PRPF3: variants seen among roughly 807,000 people sequenced by gnomAD.
The protein encoded by PRPF3 is pre-mRNA processing factor 3.
PRPF3 carries 3 observed loss-of-function variants against 89.2 expected under a neutral mutation model. The observed-to-expected ratio is 0.03, with a 90% CI of 0.02 to 0.09. PRPF3 has a LOEUF of 0.09. Among genes scored for constraint, PRPF3 ranks in the 10% least tolerant of loss-of-function variants. PRPF3 has a pLI of 1.00. For synonymous variants in PRPF3, 270 were observed against 289.1 expected, an observed-to-expected ratio of 0.93 and a Z score of 0.67; for missense variants, 463 against 828.8, an observed-to-expected ratio of 0.56 and a Z score of 5.42.
rs1655048252 is a variant in PRPF3, at chr1:150,321,606, C to T, written c.-49+14C>T. 1 of 152,638 alleles carries T rather than the reference C, an allele frequency of 6.6e-6. No homozygotes were observed. Among genetic ancestry groups the T allele is most frequent in the Admixed American group, 6.6e-5 (1 of 15,264 alleles). The allele number at this position is 152,638 out of a possible 1,614,324, so 9.5% of individuals were successfully genotyped here. ...GAAGTTTGTGAGGTGAGTAGTGGCC[C>T]CGGGCCCACAGAGGGTAATTCCAGT... On this transcript the variant is annotated intron_variant, in intron 1 of 15. Transcript: ENST00000324862.
At position 150,332,991 on chromosome 1, in the gene PRPF3, T is replaced by C. The variant is rs1656586815; in HGVS notation, c.520T>C (p.Ser174Pro). The change falls in exon 6 of 16, where the codon TCT becomes CCT. Residue 174 changes from serine to proline, a missense_variant. Transcript: ENST00000324862. Reference protein sequence around the residue: ...SPPTPQPKTPSSSQPERLPIG... With the variant: ...SPPTPQPKTPPSSQPERLPIG... Reference sequence around the variant, plus strand: ...CTCTATCTCACAGCCAAAGACTCCTTCTTCCTCCCAACCAGAACGACTTCC... The same window carrying C: ...CTCTATCTCACAGCCAAAGACTCCTCCTTCCTCCCAACCAGAACGACTTCC... The C allele has an allele frequency of 1.9e-6, 3 of 1,613,616 alleles. No homozygotes were observed. The highest frequency in any genetic ancestry group is 2.5e-6 in the Non-Finnish European group (3 of 1,179,854).
chr1:150,343,568 G>T, intron 10 of PRPF3, 116 bp downstream of exon 10: 1 of 1,391,178 alleles, frequency 7.2e-7, no homozygotes, highest in Non-Finnish European at 1.0e-6. Context: ...AATTATTCTT[G>T]GGGTCCTTTT....
chr1:150,349,332 T>A (rs1359839108), intron 15 of PRPF3, 114 bp downstream of exon 15: 99 of 845,202 alleles, frequency 1.2e-4, no homozygotes, highest in South Asian at 1.7e-4. Context: ...TTTTAAATAA[T>A]TTATGTTTCT....
At chr1:150,347,505 C>T (rs1365519421) in intron 14 of PRPF3, among the ~76,000 whole-genome samples, 3 of 151,916 alleles carry the variant, frequency 2.0e-5, no homozygotes, top group African/African-American at 7.3e-5. Context: ...CCGAGGCGAG[C>T]AGATCATTTG....
intron 10 of PRPF3, among the ~76,000 whole-genome samples, 180 bp downstream of exon 10, chr1:150,343,632 T>G (rs1658008653): frequency 6.6e-6 from 1 of 152,224 alleles, no homozygotes; most frequent in Non-Finnish European, 1.5e-5. Flanking sequence ...ACATTCATTA[T>G]AGAGGCCATT....
At chr1:150,328,622 A>C (rs1572199180) in intron 4 of PRPF3, 156 bp downstream of exon 4, 85 of 774,476 alleles carry the variant, frequency 1.1e-4, no homozygotes, top group Non-Finnish European at 1.5e-4. Context: ...GCGCGATCTC[A>C]GCTCACTGCA....
chr1:150,330,922 T>A (rs1331294397), intron 4 of PRPF3, among the ~76,000 whole-genome samples: 2 of 151,526 alleles, frequency 1.3e-5, no homozygotes, highest in African/African-American at 4.9e-5. Context: ...TTTCACCATG[T>A]TGGTCAGGCT....
intron 2 of PRPF3, 108 bp from the exon 3 acceptor site, chr1:150,325,643 T>A: frequency 7.0e-7 from 1 of 1,435,622 alleles, no homozygotes; most frequent in South Asian, 1.2e-5. Context: ...ACTTAAAATT[T>A]GTTTCACTCC....
At position 150,325,848 on chromosome 1, in the gene PRPF3, T is replaced by C. The variant is rs1490021465; in HGVS notation, c.243T>C (p.Ser81=). The change falls in exon 3 of 16, where the codon TCT becomes TCC. Residue 81 remains serine, a synonymous_variant. Coordinates refer to ENST00000324862, the MANE Select transcript of PRPF3 (RefSeq NM_004698.4). ...EEGRSSRHSK[S]SSDRSRKREL... is the part of the protein sequence containing the mutation. ...GCCGAAGCTCTAGGCATTCCAAGTC[T>C]AGCAGTGACAGGAGCAGAAAACGAG... is the stretch of plus-strand genomic sequence containing the variant. 5 of 1,613,602 alleles carry C rather than the reference T, an allele frequency of 3.1e-6. No individual in the cohort carries two copies. The African/African-American group carries it at 6.7e-5, about 22-fold the overall frequency.
At chr1:150,332,210 C>T (rs1290820411) in intron 4 of PRPF3, among the ~76,000 whole-genome samples, 5 of 139,704 alleles carry the variant, frequency 3.6e-5, no homozygotes, top group African/African-American at 5.4e-5. Flanking sequence ...AGTGACAGAG[C>T]GAGACTCCAT....
chr1:150,335,548 C>T (rs1656872427), intron 7 of PRPF3, among the ~76,000 whole-genome samples: 1 of 152,162 alleles, frequency 6.6e-6, no homozygotes. Flanking sequence ...TTGCTGCAAC[C>T]TTTGCCTCCC....
chr1:150,350,044 C>T (rs928605536), intron 15 of PRPF3, among the ~76,000 whole-genome samples: 8 of 151,250 alleles, frequency 5.3e-5, no homozygotes, highest in African/African-American at 1.7e-4. Flanking sequence ...TACAGGTGCA[C>T]GCCACCATGC....
chr1:150,346,279 T>G (rs1349684181), intron 13 of PRPF3, 129 bp from the exon 14 acceptor site: 9 of 1,243,436 alleles, frequency 7.2e-6, no homozygotes, highest in Non-Finnish European at 1.1e-5. Context: ...CTGTGTTTTT[T>G]GGAGTAGAAG....
At chr1:150,344,734 G>A (rs1553872464) in intron 12 of PRPF3, among the ~76,000 whole-genome samples, 187 bp downstream of exon 12, 3 of 148,124 alleles carry the variant, frequency 2.0e-5, no homozygotes, top group Admixed American at 6.8e-5. Context: ...TTATGTTTAT[G>A]GTTACCCAGT....
chr1:150,352,871 T>G lies in PRPF3; in HGVS notation c.1944T>G (p.Phe648Leu). 1 of 1,614,214 alleles carries G rather than the reference T, an allele frequency of 6.2e-7. No individual in the cohort carries two copies. Residue 648 changes from phenylalanine (F) to leucine (L), a missense_variant, in exon 16 of 16, where the codon TTT (phenylalanine) becomes TTG (leucine). By Grantham distance (22) the Phe-to-Leu change is conservative. Transcript: ENST00000324862. ...AKDRSFGEMKFKQCPTENMAR... is the reference protein window; with the variant it reads ...AKDRSFGEMKLKQCPTENMAR... ...ACCGGAGCTTTGGAGAGATGAAGTTTAAACAGTGTCCTACAGAGAACATGG... is the reference window on the plus strand; with the variant it reads ...ACCGGAGCTTTGGAGAGATGAAGTTGAAACAGTGTCCTACAGAGAACATGG...
chr1:150,353,122 G>C lies in PRPF3; in HGVS notation c.*143G>C. 9.0e-7 allele frequency: 1 copy of C among 1,105,406 alleles called. No individual in the cohort carries two copies. Among genetic ancestry groups the C allele is most frequent in the East Asian group, 2.4e-5 (1 of 42,218 alleles). 68.5% of individuals were successfully genotyped at this position (1,105,406 alleles called of 1,614,324 possible). A position where few individuals can be genotyped will look rare whatever the true frequency, so the allele number is the denominator to read the frequency against. Reference sequence around the variant, plus strand: ...CACTGGGACAAAGGGAGAATATCTTGCTCCCCTCCTGAGTCAGCCTGGTGT... The same window carrying C: ...CACTGGGACAAAGGGAGAATATCTTCCTCCCCTCCTGAGTCAGCCTGGTGT... On this transcript the variant is annotated 3_prime_UTR_variant, in exon 16 of 16. Coordinates refer to ENST00000324862, the MANE Select transcript of PRPF3 (RefSeq NM_004698.4).
chr1:150,339,737 G>GTTTTTTT (rs71578484), intron 8 of PRPF3, among the ~76,000 whole-genome samples: 1 of 110,290 alleles, frequency 9.1e-6, no homozygotes. Context: ...CACGCCTGGC[G>GTTTTTTT]TTTTTTTTTT....
chr1:150,328,220 C>T, intron 3 of PRPF3, 100 bp from the exon 4 acceptor site: 1 of 1,449,992 alleles, frequency 6.9e-7, no homozygotes, highest in Non-Finnish European at 9.6e-7. Flanking sequence ...TGTCATATTC[C>T]CCTGGGAATA....
rs587602114 is a variant in PRPF3 at position 150,334,618 on chromosome 1, G to A, written c.729-317G>A. Among the ~76,000 whole-genome samples, 24 of 151,840 alleles carry A rather than the reference G, an allele frequency of 1.6e-4. No homozygotes were observed. The South Asian group carries it at 1.7e-3, about 11-fold the overall frequency. ...GATTACAGTGTGAGCCACCACACCC[G>A]TCCATCCAAATAACTCTTATAGAGA... On this transcript the variant is annotated intron_variant, in intron 6 of 15. Coordinates refer to ENST00000324862, the MANE Select transcript of PRPF3 (RefSeq NM_004698.4).
Sources: allele counts gnomAD v4.1 joint callset (sites outside exome capture counted in the v4.1 genomes callset), GRCh38; gene constraint gnomAD v4.1.1; transcripts MANE v1.5; gene names NCBI Gene and HGNC (gene_info 2026-07-23, HGNC 2026-07-21).